Variants in ADGRL3 observed in about 807,000 individuals in gnomAD.
The protein encoded by ADGRL3 is adhesion G protein-coupled receptor L3, also known as calcium-independent alpha-latrotoxin receptor 3.
Under a neutral mutation model 153.5 loss-of-function variants are expected in ADGRL3, and 62 were observed. The ratio of observed to expected loss-of-function variants is 0.40; its 90% CI spans 0.33 to 0.50. ADGRL3 has a LOEUF of 0.50. ADGRL3 is among the 20% of genes least tolerant of loss of function. ADGRL3 has a pLI of 0.47. For synonymous variants in ADGRL3, 710 were observed against 672.5 expected, an observed-to-expected ratio of 1.06 and a Z score of -0.86; for missense variants, 1,641 against 1,859.4, an observed-to-expected ratio of 0.88 and a Z score of 2.16.
chr4:61,699,316 T>G (rs185577140), intron 6 of ADGRL3, among the ~76,000 whole-genome samples: 47 of 151,704 alleles, frequency 3.1e-4, no homozygotes, highest in African/African-American at 1.0e-3. Flanking sequence ...GGATGTAAAT[T>G]TTTTTAAAAA....
intron 8 of ADGRL3, among the ~76,000 whole-genome samples, chr4:61,786,143 A>T (rs1901220): frequency 0.88 from 133,551 of 152,290 alleles, 58,618 homozygotes; most frequent in Admixed American, 0.89. Context: ...TTTCCACTGA[A>T]CCATACATTC....
intron 4 of ADGRL3, among the ~76,000 whole-genome samples, chr4:61,566,623 C>T (rs1202363370): frequency 6.6e-6 from 1 of 151,896 alleles, no homozygotes; most frequent in African/African-American, 2.4e-5. Context: ...TTGGCATAAA[C>T]TGAATACTTT....
chr4:62,075,376 A>T lies in ADGRL3; in HGVS notation c.*4468A>T, dbSNP rs138955674. ...TGTGATGTATTGCAGAGGGAAAAAA[A>T]CCAACACTACAGAAGTATAATGCAT... On this transcript the variant is annotated 3_prime_UTR_variant, in exon 27 of 27. Coordinates refer to ENST00000683033, the MANE Select transcript of ADGRL3 (RefSeq NM_001387552.1). 6.6e-6 allele frequency: 1 copy of T among 152,118 alleles called. No individual in the cohort carries two copies. The highest frequency in any genetic ancestry group is 6.6e-5 in the Admixed American group (1 of 15,254). 9.4% of individuals were successfully genotyped at this position (152,118 alleles called of 1,614,324 possible).
chr4:61,875,100 G>A (rs1406768906), intron 9 of ADGRL3, among the ~76,000 whole-genome samples: 2 of 151,698 alleles, frequency 1.3e-5, no homozygotes, highest in African/African-American at 2.4e-5. Context: ...GAGCCACCGC[G>A]CCCGGCCCAA....
intron 17 of ADGRL3, among the ~76,000 whole-genome samples, chr4:61,956,723 A>C (rs2098968421): frequency 6.6e-6 from 1 of 152,186 alleles, no homozygotes; most frequent in South Asian, 2.1e-4. Flanking sequence ...ATAAGGTATA[A>C]GGAAGGGATC....
At chr4:61,966,456 A>C (rs2150569301) in intron 17 of ADGRL3, among the ~76,000 whole-genome samples, 1 of 152,286 alleles carries the variant, frequency 6.6e-6, no homozygotes, top group East Asian at 1.9e-4. Flanking sequence ...AAAGTGATAA[A>C]AATATACATA....
chr4:61,687,485 A>G (rs1207991238), intron 6 of ADGRL3, among the ~76,000 whole-genome samples: 1 of 152,056 alleles, frequency 6.6e-6, no homozygotes, highest in African/African-American at 2.4e-5. Context: ...CTAAATAAAG[A>G]TTATTGTATA....
intron 9 of ADGRL3, among the ~76,000 whole-genome samples, chr4:61,871,998 T>A (rs1254208274): frequency 6.6e-6 from 1 of 152,246 alleles, no homozygotes; most frequent in Non-Finnish European, 1.5e-5. Context: ...ATATTTGACT[T>A]ATTTTCATAT....
At chr4:61,558,165 G>T in intron 4 of ADGRL3, among the ~76,000 whole-genome samples, 1 of 99,892 alleles carries the variant, frequency 1.0e-5, no homozygotes, top group East Asian at 2.8e-4. Context: ...ATACACATAT[G>T]TAGGAATCAT....
chr4:61,646,118 C>T (rs1452903311), intron 5 of ADGRL3, among the ~76,000 whole-genome samples: 1 of 152,086 alleles, frequency 6.6e-6, no homozygotes, highest in Non-Finnish European at 1.5e-5. Context: ...GTTCTCGAGC[C>T]TTGGTTTTCA....
chr4:61,919,961 G>T (rs2098761201), intron 13 of ADGRL3, among the ~76,000 whole-genome samples: 1 of 152,120 alleles, frequency 6.6e-6, no homozygotes, highest in African/African-American at 2.4e-5. Flanking sequence ...TGGGAAAAGT[G>T]TCTTTCTGTT....
intron 4 of ADGRL3, among the ~76,000 whole-genome samples, chr4:61,519,802 A>G (rs1446904371): frequency 1.3e-5 from 2 of 152,186 alleles, no homozygotes; most frequent in African/African-American, 4.8e-5. Context: ...ACCTTCATAA[A>G]ACAAAAACAA....
intron 1 of ADGRL3, among the ~76,000 whole-genome samples, chr4:61,318,255 A>G (rs1202319306): frequency 2.0e-5 from 3 of 151,552 alleles, no homozygotes; most frequent in African/African-American, 7.3e-5. Context: ...GAAAATATAT[A>G]GGATAATATT....
intron 8 of ADGRL3, among the ~76,000 whole-genome samples, chr4:61,779,138 ATT>A (rs1395380438): frequency 6.6e-6 from 1 of 152,176 alleles, no homozygotes; most frequent in Non-Finnish European, 1.5e-5. Context: ...GAGTCAAATA[ATT>A]TTGTTTAGTG....
intron 8 of ADGRL3, among the ~76,000 whole-genome samples, chr4:61,754,471 T>C (rs1286180544): frequency 6.6e-6 from 1 of 151,996 alleles, no homozygotes; most frequent in Non-Finnish European, 1.5e-5. Context: ...ACCAGCAATA[T>C]CTCAATCAAA....
At position 61,567,825 on chromosome 4, in the gene ADGRL3, A is replaced by G. The variant is rs1440325219; in HGVS notation, c.260-19402A>G. 2.6e-5 allele frequency among the ~76,000 whole-genome samples: 4 copies of G among 152,200 alleles called. No homozygotes were observed. The East Asian group carries it at 7.7e-4, about 29-fold the overall frequency. ...CTATTGAAGTTGCACCTCAATTTGT[A>G]CTATTATCAGATTAACTGGCCCATT... On this transcript the variant is annotated intron_variant, in intron 4 of 26. Coordinates refer to ENST00000683033, the MANE Select transcript of ADGRL3 (RefSeq NM_001387552.1).
intron 4 of ADGRL3, among the ~76,000 whole-genome samples, chr4:61,552,016 A>G (rs1468177948): frequency 6.6e-6 from 1 of 152,200 alleles, no homozygotes; most frequent in Non-Finnish European, 1.5e-5. Context: ...TAAAATCACA[A>G]CATTTTATTA....
At chr4:61,368,101 A>G (rs2096443126) in intron 1 of ADGRL3, among the ~76,000 whole-genome samples, 1 of 151,144 alleles carries the variant, frequency 6.6e-6, no homozygotes, top group South Asian at 2.1e-4. Context: ...TTTTTTCTGT[A>G]AATTTGTTTG....
At chr4:61,568,955 A>G (rs1264285852) in intron 4 of ADGRL3, among the ~76,000 whole-genome samples, 1 of 152,154 alleles carries the variant, frequency 6.6e-6, no homozygotes. Context: ...TAATGAAGTC[A>G]GTTTAATGGA....
Sources: allele counts gnomAD v4.1 joint callset (sites outside exome capture counted in the v4.1 genomes callset), GRCh38; gene constraint gnomAD v4.1.1; transcripts MANE v1.5; gene names NCBI Gene and HGNC (gene_info 2026-07-23, HGNC 2026-07-21).